Variants in CPEB1 observed in about 807,000 individuals in gnomAD.
CPEB1 encodes the protein cytoplasmic polyadenylation element-binding protein 1.
A neutral mutation model predicts 65.8 loss-of-function variants in CPEB1; 7 were observed. The ratio of observed to expected loss-of-function variants is 0.11; its 90% confidence interval spans 0.06 to 0.20. The LOEUF is 0.20. Among genes scored for constraint, CPEB1 ranks in the 10% least tolerant of loss-of-function variants. The pLI, the probability that CPEB1 is intolerant of heterozygous loss-of-function variation, is 1.00. For missense variants in CPEB1, 551 were observed against 712.2 expected, an observed-to-expected ratio of 0.77 and a Z score of 2.58; for synonymous variants, 262 against 260.0, an observed-to-expected ratio of 1.01 and a Z score of -0.08.
At position 82,627,303 on chromosome 15, in the gene CPEB1, C is replaced by T; in HGVS notation, c.161G>A (p.Cys54Tyr). 1.2e-6 allele frequency: 2 copies of T among 1,613,728 alleles called. No individual in the cohort carries two copies. Among genetic ancestry groups the T allele is most frequent in the African/African-American group, 1.3e-5 (1 of 75,036 alleles). ...DNQEAPALST[C>Y]SNANIFRRIN... ...CCTTCGAAAGATATTGGCATTACTA[C>T]ACGTGGAGAGAGCAGGTGCTTCCTG... Residue 54 changes from cysteine (C) to tyrosine (Y), a missense_variant, in exon 3 of 13, where the codon TGT (cysteine) becomes TAT (tyrosine). Physicochemically the swap from Cys to Tyr is radical, Grantham distance 194 (BLOSUM62 -2). Coordinates refer to ENST00000684509, the MANE Select transcript of CPEB1 (RefSeq NM_001365242.1).
At chr15:82,587,492 A>C in intron 3 of CPEB1, among the ~76,000 whole-genome samples, 1 of 152,204 alleles carries the variant, frequency 6.6e-6, no homozygotes, top group Non-Finnish European at 1.5e-5. Context: ...GAGAACACTT[A>C]AGTGGCTGGG....
intron 3 of CPEB1, among the ~76,000 whole-genome samples, chr15:82,594,411 T>G (rs182047271): frequency 2.0e-5 from 3 of 151,714 alleles, no homozygotes; most frequent in African/African-American, 7.2e-5. Context: ...TGAACCAACC[T>G]CTGCTAGCTT....
At chr15:82,615,387 G>A (rs909311376) in intron 3 of CPEB1, among the ~76,000 whole-genome samples, 6 of 152,108 alleles carry the variant, frequency 3.9e-5, no homozygotes, top group Admixed American at 3.3e-4. Flanking sequence ...AGCCAACTTT[G>A]AATAAAATAA....
At chr15:82,610,124 A>T (rs1260295300) in intron 3 of CPEB1, among the ~76,000 whole-genome samples, 2 of 152,090 alleles carry the variant, frequency 1.3e-5, no homozygotes, top group Non-Finnish European at 2.9e-5. Flanking sequence ...ACATAGGTGA[A>T]ATAAATTCTA....
At position 82,630,067 on chromosome 15, in the gene CPEB1, A is replaced by G. The variant is rs985375010; in HGVS notation, c.-97-1511T>C. ...CTGTAGATTTCTAAGCTGATTCTCAATTTCAGGAAGGCAACTTCATGAAGG... is the reference window on the plus strand; with the variant it reads ...CTGTAGATTTCTAAGCTGATTCTCAGTTTCAGGAAGGCAACTTCATGAAGG... On this transcript the variant is annotated intron_variant, in intron 1 of 12. Coordinates refer to ENST00000684509, the MANE Select transcript of CPEB1 (RefSeq NM_001365242.1). The G allele has an allele frequency of 8.1e-6, 8 of 985,322 alleles. No homozygotes were observed. The African/African-American group carries it at 1.4e-4, about 17-fold the overall frequency. The allele number at this position is 985,322 out of a possible 1,614,324, so 61.0% of individuals were successfully genotyped here.
intron 12 of CPEB1, among the ~76,000 whole-genome samples, 172 bp from the exon 13 acceptor site, chr15:82,544,874 T>A (rs1372914605): frequency 6.6e-6 from 1 of 152,150 alleles, no homozygotes. Flanking sequence ...AGAAGCCTGA[T>A]TAACTATGGC....
intron 1 of CPEB1, chr15:82,629,258 G>A (rs1209492768): frequency 5.1e-5 from 50 of 984,986 alleles, no homozygotes; most frequent in Non-Finnish European, 5.8e-5. Context: ...CATTTTGCAT[G>A]GCATACAGTA....
At chr15:82,558,712 C>G (rs1465375051) in intron 4 of CPEB1, among the ~76,000 whole-genome samples, 1 of 152,176 alleles carries the variant, frequency 6.6e-6, no homozygotes, top group Admixed American at 6.5e-5. Context: ...GGAGTATCAA[C>G]TATTTCATGA....
chr15:82,572,636 C>T (rs2040197871), intron 3 of CPEB1, among the ~76,000 whole-genome samples: 1 of 152,182 alleles, frequency 6.6e-6, no homozygotes, highest in South Asian at 2.1e-4. Flanking sequence ...CCAAGAGAAA[C>T]AGTCTCTGAA....
intron 9 of CPEB1, among the ~76,000 whole-genome samples, chr15:82,551,025 G>A (rs1054185764): frequency 1.3e-5 from 2 of 152,020 alleles, no homozygotes; most frequent in African/African-American, 4.8e-5. Context: ...GAAAGCAGGA[G>A]GGGAGGAAAA....
chr15:82,635,056 T>C (rs915346961), intron 1 of CPEB1, among the ~76,000 whole-genome samples: 6 of 152,278 alleles, frequency 3.9e-5, no homozygotes, highest in Admixed American at 2.0e-4. Flanking sequence ...GGTTTCGCCA[T>C]GTTGGCCAGG....
chr15:82,578,284 T>C (rs1299878219), intron 3 of CPEB1, among the ~76,000 whole-genome samples: 1 of 152,246 alleles, frequency 6.6e-6, no homozygotes, highest in African/African-American at 2.4e-5. Flanking sequence ...TCAACCAATA[T>C]GAAGGAGGAA....
At chr15:82,611,853 G>A (rs1006775949) in intron 3 of CPEB1, among the ~76,000 whole-genome samples, 17 of 151,604 alleles carry the variant, frequency 1.1e-4, no homozygotes, top group East Asian at 3.9e-4. Flanking sequence ...TAACAGAATC[G>A]GGGGAGGGAG....
chr15:82,608,838 C>G (rs1457829862), intron 3 of CPEB1, among the ~76,000 whole-genome samples: 1 of 152,060 alleles, frequency 6.6e-6, no homozygotes, highest in East Asian at 1.9e-4. Context: ...TACTTGAACA[C>G]TATAAAACAA....
chr15:82,618,827 A>G (rs1428422858), intron 3 of CPEB1, among the ~76,000 whole-genome samples: 1 of 152,250 alleles, frequency 6.6e-6, no homozygotes, highest in Non-Finnish European at 1.5e-5. Context: ...AAGCAAAGGG[A>G]TATATCAACT....
intron 4 of CPEB1, among the ~76,000 whole-genome samples, chr15:82,560,037 T>C (rs1010571721): frequency 5.3e-5 from 8 of 152,120 alleles, no homozygotes; most frequent in Admixed American, 2.0e-4. Flanking sequence ...TGAGCCGAGA[T>C]TGCGCCACTA....
chr15:82,600,472 A>G (rs1322531091), intron 3 of CPEB1, among the ~76,000 whole-genome samples: 1 of 152,324 alleles, frequency 6.6e-6, no homozygotes, highest in East Asian at 1.9e-4. Flanking sequence ...AACAATGAAA[A>G]GAGGACACAT....
intron 3 of CPEB1, among the ~76,000 whole-genome samples, chr15:82,614,527 A>G (rs1020823994): frequency 6.6e-6 from 1 of 152,226 alleles, no homozygotes; most frequent in Admixed American, 6.5e-5. Flanking sequence ...ACACATACAT[A>G]CACACAAAAC....
intron 4 of CPEB1, among the ~76,000 whole-genome samples, chr15:82,568,956 A>G (rs1187733706): frequency 1.3e-5 from 2 of 152,212 alleles, no homozygotes; most frequent in African/African-American, 4.8e-5. Context: ...GCCTTGGGCA[A>G]TATATCACCA....
Sources: gnomAD v4.1 joint callset for allele counts (sites outside exome capture counted in the v4.1 genomes callset) on GRCh38, gnomAD v4.1.1 for gene constraint, MANE v1.5 for transcripts, NCBI Gene and HGNC (gene_info 2026-07-23, HGNC 2026-07-21) for gene names.